The following SH2D4A variants were observed in gnomAD, a reference collection of about 807,000 sequenced individuals.
The protein encoded by SH2D4A is SH2 domain-containing protein 4A.
Under a neutral mutation model 64.7 loss-of-function variants are expected in SH2D4A, and 70 were observed. The ratio of observed to expected loss-of-function variants is 1.08; its 90% CI spans 0.89 to 1.32. SH2D4A has a LOEUF of 1.32. Among genes scored for constraint, SH2D4A ranks in the 40% most tolerant of loss-of-function variants. The pLI, the probability that SH2D4A is intolerant of heterozygous loss-of-function variation, is 0.00. For missense variants in SH2D4A, 706 were observed against 540.1 expected (o/e 1.31, Z -3.04); for synonymous variants, 268 against 200.7 (o/e 1.34, Z -2.83).
At chr8:19,336,442 C>G (rs1048013437) in intron 4 of SH2D4A, among the ~76,000 whole-genome samples, 2 of 152,096 alleles carry the variant, frequency 1.3e-5, no homozygotes, top group Admixed American at 6.6e-5. Flanking sequence ...CTCCCGTCCT[C>G]CCCAGGTGTG....
rs1210540661 is a variant in SH2D4A at position 19,330,357 on chromosome 8, C to A, written c.182-2598C>A. Among the ~76,000 whole-genome samples, 8 of 152,310 alleles carry A rather than the reference C, an allele frequency of 5.3e-5. No homozygotes were observed. In the East Asian group the frequency reaches 1.4e-3, roughly 26 times the overall value. ...TAGAGGTGAAAAGTCAGCAGAGAGA[C>A]CATTGTCAGTGCCACTCTGTCAAGA... On this transcript the variant is annotated intron_variant, in intron 2 of 9. Coordinates refer to ENST00000265807, the MANE Select transcript of SH2D4A (RefSeq NM_022071.4).
In SH2D4A at chr8:19,344,783, T is replaced by C. The variant is rs200496767; in HGVS notation, c.513+9926T>C. On this transcript the variant is annotated intron_variant, in intron 4 of 9. Coordinates refer to ENST00000265807, the MANE Select transcript of SH2D4A (RefSeq NM_022071.4). The stretch of plus-strand genomic sequence containing the variant: ...AGTGTTTCAGATTTCAGCTTTTTTT[T>C]CCCAGATTTTTATAAAAGAAATACT... Among the ~76,000 whole-genome samples the C allele has an allele frequency of 1.6e-3, 239 of 145,116 alleles. 1 individual carries two copies. The highest frequency in any genetic ancestry group is 4.2e-3 in the African/African-American group (162 of 38,830).
At chr8:19,357,039 T>C (rs1265263643) in intron 4 of SH2D4A, among the ~76,000 whole-genome samples, 164 bp from the exon 5 acceptor site, 1 of 152,124 alleles carries the variant, frequency 6.6e-6, no homozygotes, top group Non-Finnish European at 1.5e-5. Flanking sequence ...CCCGTTGCTG[T>C]AGTCAGGATC....
At chr8:19,314,487 T>G (rs934267841) in intron 1 of SH2D4A, among the ~76,000 whole-genome samples, 1 of 151,964 alleles carries the variant, frequency 6.6e-6, no homozygotes, top group African/African-American at 2.4e-5. Flanking sequence ...GGGTGCCCAG[T>G]GCGCTCAGCC....
intron 2 of SH2D4A, among the ~76,000 whole-genome samples, chr8:19,326,104 T>C (rs2052274928): frequency 1.3e-5 from 2 of 152,190 alleles, no homozygotes; most frequent in African/African-American, 4.8e-5. Context: ...CCTAAACAAG[T>C]TTTGCCATCA....
intron 4 of SH2D4A, among the ~76,000 whole-genome samples, chr8:19,342,514 T>C (rs1001084363): frequency 6.6e-6 from 1 of 152,196 alleles, no homozygotes; most frequent in African/African-American, 2.4e-5. Context: ...ATAGTGGTTA[T>C]AGATAGCCCT....
At chr8:19,375,705 T>G (rs2053183189) in intron 8 of SH2D4A, 1 of 152,114 alleles carries the variant, frequency 6.6e-6, no homozygotes. Context: ...AATAGAGTAT[T>G]GTGTGTTTCA....
At chr8:19,377,575 A>G (rs1305823814) in intron 8 of SH2D4A, among the ~76,000 whole-genome samples, 1 of 152,216 alleles carries the variant, frequency 6.6e-6, no homozygotes, top group African/African-American at 2.4e-5. Flanking sequence ...CATGTTACAC[A>G]TATTGTTTTC....
At chr8:19,324,338 C>T (rs115355665) in intron 2 of SH2D4A, among the ~76,000 whole-genome samples, 2 of 152,224 alleles carry the variant, frequency 1.3e-5, no homozygotes, top group Non-Finnish European at 2.9e-5. Context: ...TGGATTCATA[C>T]AGCTTTTTTT....
chr8:19,394,530 C>A lies in SH2D4A; in HGVS notation c.1273-20C>A. 1.3e-6 allele frequency: 2 copies of A among 1,573,624 alleles called. No homozygotes were observed. The highest frequency in any genetic ancestry group is 8.7e-7 in the Non-Finnish European group (1 of 1,149,910). On this transcript the variant is annotated intron_variant, in intron 9 of 9. Transcript: ENST00000265807. Reference sequence around the variant, plus strand: ...TGGTCACTACTTACACTATCTGACCCCGTGCCTTCTGATTGACAGGAGGAA... The same window carrying A: ...TGGTCACTACTTACACTATCTGACCACGTGCCTTCTGATTGACAGGAGGAA...
chr8:19,348,095 G>A (rs577114140), intron 4 of SH2D4A, among the ~76,000 whole-genome samples: 2 of 151,962 alleles, frequency 1.3e-5, no homozygotes, highest in Admixed American at 6.6e-5. Flanking sequence ...TTTTGTGTGC[G>A]TGTGTGTGTG....
intron 8 of SH2D4A, among the ~76,000 whole-genome samples, chr8:19,380,411 T>C (rs1322135116): frequency 6.6e-6 from 1 of 152,212 alleles, no homozygotes; most frequent in Admixed American, 6.5e-5. Flanking sequence ...CTTGTGTTGC[T>C]CGTGCCTTTG....
chr8:19,325,656 G>A (rs1200137996), intron 2 of SH2D4A, among the ~76,000 whole-genome samples: 1 of 152,168 alleles, frequency 6.6e-6, no homozygotes, highest in Non-Finnish European at 1.5e-5. Context: ...TCCAGCGGAG[G>A]TTCTCTCGTT....
chr8:19,390,305 C>T (rs1776782890), intron 8 of SH2D4A, among the ~76,000 whole-genome samples: 1 of 152,072 alleles, frequency 6.6e-6, no homozygotes, highest in Non-Finnish European at 1.5e-5. Context: ...CGCTTGAACC[C>T]AGGAGTCAGA....
chr8:19,338,946 C>A (rs533898180), intron 4 of SH2D4A, among the ~76,000 whole-genome samples: 1 of 152,142 alleles, frequency 6.6e-6, no homozygotes, highest in Admixed American at 6.5e-5. Context: ...TTGACTCACA[C>A]GATCACAAGG....
intron 8 of SH2D4A, among the ~76,000 whole-genome samples, chr8:19,376,068 A>C (rs1192663971): frequency 6.6e-6 from 1 of 152,024 alleles, no homozygotes; most frequent in South Asian, 2.1e-4. Context: ...CTCTTCCTGC[A>C]CACCTTCCTT....
chr8:19,332,657 C>G (rs2052380659), intron 2 of SH2D4A, among the ~76,000 whole-genome samples: 1 of 144,188 alleles, frequency 6.9e-6, no homozygotes, highest in Admixed American at 7.2e-5. Flanking sequence ...GATCATGCCA[C>G]TGCACTCCAG....
At chr8:19,332,707 AAAAAAAGCACGGGC>A (rs2052382220) in intron 2 of SH2D4A, among the ~76,000 whole-genome samples, 2 of 143,886 alleles carry the variant, frequency 1.4e-5, no homozygotes, top group Non-Finnish European at 3.1e-5. Context: ...AAAAAAAAAA[AAAAAAAGCACGGGC>A]AAAAAACATA....
At chr8:19,331,923 G>A (rs1017047338) in intron 2 of SH2D4A, among the ~76,000 whole-genome samples, 2 of 152,098 alleles carry the variant, frequency 1.3e-5, no homozygotes, top group African/African-American at 4.8e-5. Flanking sequence ...CTTATCTGAG[G>A]CAAGAGGATT....
Sources: allele counts gnomAD v4.1 joint callset (sites outside exome capture counted in the v4.1 genomes callset), GRCh38; gene constraint gnomAD v4.1.1; transcripts MANE v1.5; gene names NCBI Gene and HGNC (gene_info 2026-07-23, HGNC 2026-07-21).